The following FANCB variants were observed in gnomAD, a reference collection of about 807,000 sequenced individuals.
FANCB encodes FA complementation group B, also known as Fanconi anemia group B protein.
A neutral mutation model predicts 38.9 loss-of-function variants in FANCB; 5 were observed. The ratio of observed to expected loss-of-function variants is 0.13; its 90% CI spans 0.07 to 0.27. The LOEUF is 0.27. FANCB is among the 10% of genes least tolerant of loss of function. The pLI is 1.00. For synonymous variants in FANCB, 236 were observed against 215.4 expected (o/e 1.10, Z -0.84); for missense variants, 573 against 602.7 (o/e 0.95, Z 0.52).
At chrX:14,759,519 T>C in the FANCB span, among the ~76,000 whole-genome samples, 1 of 111,952 alleles carries the variant, frequency 8.9e-6, no homozygotes, top group East Asian at 2.8e-4. Flanking sequence ...TAACAGCATA[T>C]TTCTCAGCAG....
chrX:14,868,743 G>T (rs986151756), intron 2 of FANCB, among the ~76,000 whole-genome samples, 180 bp downstream of exon 2: 1 of 111,896 alleles, frequency 8.9e-6, no homozygotes, highest in Admixed American at 9.5e-5. Context: ...AGATGTTTTT[G>T]AATGTTCTTA....
chrX:14,785,643 C>T, the FANCB span, among the ~76,000 whole-genome samples: 1 of 112,247 alleles, frequency 8.9e-6, no homozygotes, highest in African/African-American at 3.2e-5. Flanking sequence ...TGGTTCCCAA[C>T]AGCAGCATAT....
At chrX:14,786,313 C>T in the FANCB span, among the ~76,000 whole-genome samples, 1 of 110,780 alleles carries the variant, frequency 9.0e-6, no homozygotes, top group East Asian at 2.9e-4. Context: ...AAATGAAAAC[C>T]CGGATTATTC....
At chrX:14,806,824 T>C in the FANCB span, among the ~76,000 whole-genome samples, 1 of 112,298 alleles carries the variant, frequency 8.9e-6, no homozygotes, top group Non-Finnish European at 1.9e-5. Flanking sequence ...ATGGATATAC[T>C]TATTGAAAAG....
the FANCB span, among the ~76,000 whole-genome samples, chrX:14,813,121 C>T: frequency 3.6e-4 from 39 of 108,141 alleles, no homozygotes; most frequent in Non-Finnish European, 3.8e-5. Flanking sequence ...AACAACCCTT[C>T]ATGCTAAAAA....
chrX:14,857,801 G>T, intron 5 of FANCB, 61 bp downstream of exon 5: 1 of 800,264 alleles, frequency 1.2e-6, no homozygotes, highest in Non-Finnish European at 1.9e-6. Flanking sequence ...TTCTTTCAAT[G>T]TTCTTTCCTT....
At chrX:14,693,054 AAAAG>A in the FANCB span, among the ~76,000 whole-genome samples, 23,665 of 108,006 alleles carry the variant, frequency 0.22, 2,196 homozygotes, top group Non-Finnish European at 0.28. Flanking sequence ...ACAAAAAAAA[AAAAG>A]AAAGAGGGAA....
the FANCB span, among the ~76,000 whole-genome samples, chrX:14,701,744 A>T: frequency 9.7e-5 from 11 of 112,951 alleles, no homozygotes; most frequent in African/African-American, 3.5e-4. Flanking sequence ...ATGATTCTTT[A>T]TATTTCTATA....
chrX:14,763,944 C>T, the FANCB span, among the ~76,000 whole-genome samples: 4 of 111,419 alleles, frequency 3.6e-5, no homozygotes, highest in Admixed American at 9.6e-5. Context: ...AGGGGGCATG[C>T]GAAGGGAGTA....
chrX:14,752,794 G>T, the FANCB span, among the ~76,000 whole-genome samples: 1 of 111,210 alleles, frequency 9.0e-6, no homozygotes. Flanking sequence ...AATTGTCAAG[G>T]TTTTTCTTTT....
At chrX:14,805,196 A>G in the FANCB span, among the ~76,000 whole-genome samples, 109 of 111,485 alleles carry the variant, frequency 9.8e-4, no homozygotes, top group African/African-American at 3.4e-3. Flanking sequence ...ATCTCCAAAA[A>G]AGTGGGTGCA....
At position 14,865,398 on chromosome X, in the gene FANCB, G is replaced by A. The variant is rs2092465105; in HGVS notation, c.113C>T (p.Thr38Ile). 1.2e-5 allele frequency: 15 copies of A among 1,204,711 alleles called. No homozygotes were observed. The highest frequency in any genetic ancestry group is 1.7e-5 in the Non-Finnish European group (15 of 891,127). Residue 38 changes from threonine (T) to isoleucine (I), a missense_variant, in exon 3 of 10, where the codon ACA (threonine) becomes ATA (isoleucine). Thr to Ile is a moderately conservative substitution (Grantham distance 89). Coordinates refer to ENST00000650831, the MANE Select transcript of FANCB (RefSeq NM_001018113.3). ...SKGNFADKEP[T>I]KTPILHVRRM... ...TCTGACATGTAATATGGGTGTTTTT[G>A]TAGGCTCTTTATCTGCAAAATTTCC...
intron 6 of FANCB, among the ~76,000 whole-genome samples, chrX:14,851,877 T>C (rs1399994179): frequency 9.0e-6 from 1 of 111,555 alleles, no homozygotes; most frequent in Non-Finnish European, 1.9e-5. Flanking sequence ...AAGATCATAT[T>C]TTGGACCCAA....
chrX:14,736,258 G>T, the FANCB span, among the ~76,000 whole-genome samples: 1 of 110,254 alleles, frequency 9.1e-6, no homozygotes, highest in African/African-American at 3.3e-5. Context: ...CTGTCTTGCT[G>T]GCATTCCAGG....
chrX:14,847,213 A>G (rs1168520993), intron 7 of FANCB, among the ~76,000 whole-genome samples: 1 of 111,128 alleles, frequency 9.0e-6, no homozygotes, highest in Non-Finnish European at 1.9e-5. Context: ...TGTATGTTTC[A>G]AATGTTCTAT....
the FANCB span, among the ~76,000 whole-genome samples, chrX:14,729,813 A>G: frequency 9.0e-6 from 1 of 111,617 alleles, no homozygotes; most frequent in African/African-American, 3.3e-5. Flanking sequence ...TTTCTGAATG[A>G]ATGAATGAAT....
the FANCB span, among the ~76,000 whole-genome samples, chrX:14,738,691 A>C: frequency 1.8e-5 from 2 of 111,955 alleles, no homozygotes; most frequent in Non-Finnish European, 3.8e-5. Flanking sequence ...GGGATGACTT[A>C]AGGCTTGAGA....
the FANCB span, among the ~76,000 whole-genome samples, chrX:14,722,095 T>C: frequency 1.8e-5 from 2 of 112,006 alleles, no homozygotes; most frequent in Non-Finnish European, 1.9e-5. Context: ...TAGCTATCTA[T>C]TACTGCATAA....
the FANCB span, among the ~76,000 whole-genome samples, chrX:14,788,706 A>T: frequency 8.9e-6 from 1 of 112,562 alleles, no homozygotes; most frequent in Non-Finnish European, 1.9e-5. Flanking sequence ...ATGGAAATTG[A>T]ATAAAACAAA....
Sources: gnomAD v4.1 joint callset for allele counts (sites outside exome capture counted in the v4.1 genomes callset) on GRCh38, gnomAD v4.1.1 for gene constraint, MANE v1.5 for transcripts, NCBI Gene and HGNC (gene_info 2026-07-23, HGNC 2026-07-21) for gene names.